Variants in PAM observed in about 807,000 individuals in gnomAD.
PAM encodes the protein peptidylglycine alpha-amidating monooxygenase, also known as peptidyl-glycine alpha-amidating monooxygenase.
PAM carries 72 observed loss-of-function variants against 122.1 expected under a neutral mutation model. The observed-to-expected ratio is 0.59, with a 90% CI of 0.49 to 0.72. PAM has a LOEUF of 0.72. PAM is among the 30% of genes least tolerant of loss of function. The pLI is 0.00. For synonymous variants in PAM, 389 were observed against 404.4 expected (o/e 0.96, Z 0.46); for missense variants, 1,106 against 1,183.7 (o/e 0.93, Z 0.96).
chr5:102,985,276 A>T (rs1284485343), intron 15 of PAM, among the ~76,000 whole-genome samples: 1 of 152,082 alleles, frequency 6.6e-6, no homozygotes, highest in Non-Finnish European at 1.5e-5. Context: ...ATGAAAAAAA[A>T]GTTGGCTTTT....
intron 7 of PAM, among the ~76,000 whole-genome samples, chr5:102,941,130 T>C (rs1472521932): frequency 1.3e-5 from 2 of 152,228 alleles, no homozygotes; most frequent in African/African-American, 2.4e-5. Flanking sequence ...AACAGGAAAG[T>C]GCTCTTACAT....
At chr5:102,887,620 G>A (rs1460053611) in intron 3 of PAM, among the ~76,000 whole-genome samples, 2 of 151,956 alleles carry the variant, frequency 1.3e-5, no homozygotes, top group Non-Finnish European at 2.9e-5. Flanking sequence ...TGGTTAACAT[G>A]GTTGGAACCA....
chr5:102,821,193 G>C (rs1370521461), intron 1 of PAM, among the ~76,000 whole-genome samples: 1 of 152,170 alleles, frequency 6.6e-6, no homozygotes, highest in East Asian at 1.9e-4. Context: ...AGAAAGAAGA[G>C]TTTTAACCTT....
chr5:102,907,492 T>C (rs1196401031), intron 4 of PAM, among the ~76,000 whole-genome samples: 1 of 151,332 alleles, frequency 6.6e-6, no homozygotes, highest in Non-Finnish European at 1.5e-5. Context: ...TACCCAGTAA[T>C]GGGATGGCTG....
intron 1 of PAM, among the ~76,000 whole-genome samples, chr5:102,805,132 G>A (rs1490516767): frequency 2.2e-5 from 3 of 137,106 alleles, no homozygotes; most frequent in Non-Finnish European, 4.6e-5. Context: ...GTGCAGTAGT[G>A]TGATCTCAGC....
At position 102,976,615 on chromosome 5, in the gene PAM, T is replaced by C. The variant is rs1319817339; in HGVS notation, c.1483+2179T>C. 3.3e-5 allele frequency among the ~76,000 whole-genome samples: 5 copies of C among 152,186 alleles called. No individual in the cohort carries two copies. The East Asian group carries it at 9.6e-4, about 29-fold the overall frequency. ...TTAACTGTTTCCCTAAGTGCCTAAT[T>C]TACTATAAGGAATTGTATTTGCTGC... On this transcript the variant is annotated intron_variant, in intron 15 of 25. Transcript: ENST00000438793.
At chr5:102,925,509 C>T (rs1402611197) in intron 6 of PAM, among the ~76,000 whole-genome samples, 2 of 152,204 alleles carry the variant, frequency 1.3e-5, no homozygotes, top group Non-Finnish European at 2.9e-5. Context: ...CTACCAGACT[C>T]TCATTTATTA....
intron 1 of PAM, among the ~76,000 whole-genome samples, chr5:102,852,581 T>G (rs775561992): frequency 6.6e-6 from 1 of 152,192 alleles, no homozygotes; most frequent in Non-Finnish European, 1.5e-5. Flanking sequence ...CAAAGAAGTT[T>G]TTTTAATTTG....
chr5:102,914,138 A>G lies in PAM; in HGVS notation c.356+117A>G, dbSNP rs1802400614. ...ATAAATAGGCAGAACATTTTAAGAAAAAGAACATTGTTCATTGTCATCACG... is the reference window on the plus strand; with the variant it reads ...ATAAATAGGCAGAACATTTTAAGAAGAAGAACATTGTTCATTGTCATCACG... On this transcript the variant is annotated intron_variant, in intron 5 of 25. Coordinates refer to ENST00000438793, the MANE Select transcript of PAM (RefSeq NM_001177306.2). 4.6e-6 allele frequency: 3 copies of G among 657,572 alleles called. No individual in the cohort carries two copies. In the African/African-American group the frequency reaches 5.5e-5, roughly 12 times the overall value. The allele number at this position is 657,572 out of a possible 1,614,324, so 40.7% of individuals were successfully genotyped here.
intron 15 of PAM, among the ~76,000 whole-genome samples, chr5:102,979,045 C>T (rs1768770998): frequency 2.0e-5 from 3 of 151,074 alleles, no homozygotes; most frequent in Non-Finnish European, 4.4e-5. Flanking sequence ...CACACACACA[C>T]ACACACACAC....
intron 1 of PAM, among the ~76,000 whole-genome samples, chr5:102,848,755 C>A (rs1780603309): frequency 6.6e-6 from 1 of 152,028 alleles, no homozygotes; most frequent in Admixed American, 6.5e-5. Flanking sequence ...AGGATAAAAA[C>A]AAAGAGACAG....
At chr5:102,790,164 G>C (rs527431401) in intron 1 of PAM, among the ~76,000 whole-genome samples, 1 of 152,166 alleles carries the variant, frequency 6.6e-6, no homozygotes, top group East Asian at 1.9e-4. Flanking sequence ...AACTCTTAAA[G>C]TCTGCTTACA....
Position 102,876,491 on chromosome 5 carries a change from C to G in PAM, c.210+9098C>G, listed in dbSNP as rs368097060. Among the ~76,000 whole-genome samples, 33 of 152,292 alleles carry G rather than the reference C, an allele frequency of 2.2e-4. No individual in the cohort carries two copies. In the South Asian group the frequency reaches 6.8e-3, roughly 32 times the overall value. On this transcript the variant is annotated intron_variant, in intron 3 of 25. Transcript: ENST00000438793. ...GCTCCTTCCAAAGCCCTGCATCTTT[C>G]CTGGCCTCCTTTCCCACTTTTGTGT...
chr5:102,760,734 A>G (rs1012201772), intron 1 of PAM, among the ~76,000 whole-genome samples: 7 of 152,216 alleles, frequency 4.6e-5, no homozygotes, highest in African/African-American at 1.7e-4. Flanking sequence ...CAGCATAAAA[A>G]TGATGTTTGA....
At chr5:102,996,774 A>T (rs557967593) in intron 16 of PAM, among the ~76,000 whole-genome samples, 9 of 152,210 alleles carry the variant, frequency 5.9e-5, no homozygotes, top group Non-Finnish European at 1.3e-4. Flanking sequence ...CAGGCCTATT[A>T]TGTAGTGATT....
intron 1 of PAM, among the ~76,000 whole-genome samples, chr5:102,784,001 A>G (rs1449427320): frequency 6.6e-6 from 1 of 151,530 alleles, no homozygotes; most frequent in Non-Finnish European, 1.5e-5. Context: ...GGTTCACGCC[A>G]TTCTGCCTCA....
intron 15 of PAM, among the ~76,000 whole-genome samples, chr5:102,982,052 G>C (rs777250825): frequency 7.9e-5 from 12 of 152,094 alleles, no homozygotes; most frequent in Non-Finnish European, 1.5e-4. Flanking sequence ...GCCAGTGCCT[G>C]CCCACATCAT....
At chr5:102,966,419 A>G (rs575602724) in intron 14 of PAM, among the ~76,000 whole-genome samples, 3 of 152,086 alleles carry the variant, frequency 2.0e-5, no homozygotes, top group Non-Finnish European at 4.4e-5. Flanking sequence ...TCGTTTTCTT[A>G]AAAAGGAAGA....
intron 1 of PAM, among the ~76,000 whole-genome samples, chr5:102,798,998 A>G (rs1459893358): frequency 6.6e-6 from 1 of 152,186 alleles, no homozygotes; most frequent in African/African-American, 2.4e-5. Flanking sequence ...TGTTGTGTGG[A>G]TGAAGTAGCA....
Sources: gnomAD v4.1 joint callset for allele counts (sites outside exome capture counted in the v4.1 genomes callset) on GRCh38, gnomAD v4.1.1 for gene constraint, MANE v1.5 for transcripts, NCBI Gene and HGNC (gene_info 2026-07-23, HGNC 2026-07-21) for gene names.